STK39: variants seen among roughly 807,000 people sequenced by gnomAD.
The protein encoded by STK39 is serine/threonine kinase 39.
In STK39, 20 loss-of-function variants were observed where a neutral mutation model predicts 77.8. That is an observed-to-expected ratio of 0.26 (90% CI 0.18 to 0.37). The LOEUF (loss-of-function observed/expected upper bound fraction) is 0.37, where lower values mean the gene tolerates loss of function less well. Among genes scored for constraint, STK39 ranks in the 10% least tolerant of loss-of-function variants. STK39 has a pLI of 1.00. For missense variants in STK39, 479 were observed against 656.5 expected (o/e 0.73, Z 2.95); for synonymous variants, 246 against 234.1 (o/e 1.05, Z -0.47).
intron 16 of STK39, among the ~76,000 whole-genome samples, chr2:168,005,230 T>G (rs1684100385): frequency 6.6e-6 from 1 of 151,990 alleles, no homozygotes; most frequent in African/African-American, 2.4e-5. Context: ...GGTCTCAAAC[T>G]CCTGACATCA....
At chr2:168,054,021 C>A (rs145668613) in intron 14 of STK39, among the ~76,000 whole-genome samples, 1 of 152,286 alleles carries the variant, frequency 6.6e-6, no homozygotes, top group East Asian at 1.9e-4. Flanking sequence ...ACGATAAATG[C>A]CAGTTTCTAT....
chr2:168,073,870 G>A (rs1234142755), intron 12 of STK39, among the ~76,000 whole-genome samples: 7 of 152,010 alleles, frequency 4.6e-5, no homozygotes, highest in South Asian at 2.1e-4. Flanking sequence ...CACCCGACTC[G>A]GCCTCCAAAA....
chr2:168,050,159 T>C (rs1685357255), intron 14 of STK39, among the ~76,000 whole-genome samples: 1 of 152,242 alleles, frequency 6.6e-6, no homozygotes, highest in Admixed American at 6.5e-5. Context: ...AGGTGCTCCA[T>C]AATGATAATC....
At chr2:168,176,305 T>TA (rs1317196065) in intron 2 of STK39, among the ~76,000 whole-genome samples, 1 of 151,062 alleles carries the variant, frequency 6.6e-6, no homozygotes, top group Non-Finnish European at 1.5e-5. Flanking sequence ...CTCCCCCCCT[T>TA]AAACCTCAAT....
chr2:167,962,479 T>C (rs545297778), intron 17 of STK39, among the ~76,000 whole-genome samples: 62 of 152,296 alleles, frequency 4.1e-4, no homozygotes, highest in African/African-American at 1.4e-3. Context: ...ATAAGGTCCC[T>C]CCTGAGTTTG....
intron 1 of STK39, among the ~76,000 whole-genome samples, chr2:168,233,164 GA>G (rs1377934834): frequency 6.6e-6 from 1 of 152,110 alleles, no homozygotes; most frequent in African/African-American, 2.4e-5. Flanking sequence ...AAACTACACA[GA>G]AACACTTTTC....
chr2:167,999,555 G>C (rs1683939499), intron 16 of STK39, among the ~76,000 whole-genome samples: 1 of 151,986 alleles, frequency 6.6e-6, no homozygotes, highest in Non-Finnish European at 1.5e-5. Context: ...TCTGCCTCCT[G>C]GGTTCACGCC....
At position 168,157,619 on chromosome 2, in the gene STK39, G is replaced by A. The variant is rs138466057; in HGVS notation, c.628+4168C>T. On this transcript the variant is annotated intron_variant, in intron 5 of 17. Coordinates refer to ENST00000355999, the MANE Select transcript of STK39 (RefSeq NM_013233.3). Reference sequence around the variant, plus strand: ...GTGTCCTCACATGGTAGAAGGGCACGGCAGCTCTCTGGGGCCTCTTTATAA... The same window carrying A: ...GTGTCCTCACATGGTAGAAGGGCACAGCAGCTCTCTGGGGCCTCTTTATAA... Among the ~76,000 whole-genome samples, 17 of 152,212 alleles carry A rather than the reference G, an allele frequency of 1.1e-4. No homozygotes were observed. In the East Asian group the frequency reaches 2.3e-3, roughly 21 times the overall value.
At chr2:168,211,937 T>C (rs768774425) in intron 1 of STK39, among the ~76,000 whole-genome samples, 1 of 152,232 alleles carries the variant, frequency 6.6e-6, no homozygotes, top group Non-Finnish European at 1.5e-5. Context: ...AGGTGGTGGT[T>C]AACTGCCCCA....
rs1690973857 is a variant in STK39 at position 168,247,565 on chromosome 2, C to CGCCGCCGCCGCCGCCGCCGCCGCCGCCG, written c.-131_-130insCGGCGGCGGCGGCGGCGGCGGCGGCGGC. On this transcript the variant is annotated 5_prime_UTR_variant, in exon 1 of 18. Transcript: ENST00000355999. ...CCCGCCCGCCGCCGCCGCCGCCGTC[C>CGCCGCCGCCGCCGCCGCCGCCGCCGCCG]CCGCCGAAGCCAGCTAGGAGGGGAG... is the stretch of plus-strand genomic sequence containing the variant. The CGCCGCCGCCGCCGCCGCCGCCGCCGCCG allele has an allele frequency of 7.1e-6, 1 of 140,238 alleles. No homozygotes were observed. Among genetic ancestry groups the CGCCGCCGCCGCCGCCGCCGCCGCCGCCG allele is most frequent in the African/African-American group, 3.7e-5 (1 of 27,306 alleles). The allele number at this position is 140,238 out of a possible 1,614,324, so 8.7% of individuals were successfully genotyped here.
At position 168,054,499 on chromosome 2, in the gene STK39, G is replaced by A. The variant is rs1281260890; in HGVS notation, c.1376+9001C>T. Among the ~76,000 whole-genome samples the A allele has an allele frequency of 3.3e-5, 5 of 152,172 alleles. No homozygotes were observed. The East Asian group carries it at 9.6e-4, about 29-fold the overall frequency. On this transcript the variant is annotated intron_variant, in intron 14 of 17. Coordinates refer to ENST00000355999, the MANE Select transcript of STK39 (RefSeq NM_013233.3). ...CTTTTTGAAGGATACCACTAATAAA[G>A]CCAAGATATGCATCAGGGACTCAAA...
intron 14 of STK39, among the ~76,000 whole-genome samples, chr2:168,020,721 T>C (rs946918097): frequency 2.6e-5 from 4 of 151,950 alleles, no homozygotes; most frequent in East Asian, 1.9e-4. Context: ...ACCTTTGAGA[T>C]ATGCAAAGAG....
intron 16 of STK39, among the ~76,000 whole-genome samples, chr2:168,005,754 C>T (rs1194909063): frequency 6.6e-6 from 1 of 152,146 alleles, no homozygotes; most frequent in Non-Finnish European, 1.5e-5. Context: ...GAAAAGCTGT[C>T]CTCCAAACTG....
chr2:168,009,869 T>C (rs1684225859), intron 16 of STK39, among the ~76,000 whole-genome samples: 1 of 152,260 alleles, frequency 6.6e-6, no homozygotes, highest in Non-Finnish European at 1.5e-5. Flanking sequence ...TTATATATTG[T>C]ATTTAAAATA....
intron 10 of STK39, among the ~76,000 whole-genome samples, chr2:168,125,553 A>G (rs946457481): frequency 2.0e-5 from 3 of 152,154 alleles, no homozygotes; most frequent in African/African-American, 7.2e-5. Flanking sequence ...GGAACATCCA[A>G]TCTTATATTA....
chr2:168,027,114 G>C (rs1684717638), intron 14 of STK39, among the ~76,000 whole-genome samples: 1 of 152,170 alleles, frequency 6.6e-6, no homozygotes, highest in African/African-American at 2.4e-5. Context: ...TAAGGTAGGG[G>C]AAAGGAAACA....
At chr2:168,108,781 A>T (rs11692805) in intron 10 of STK39, among the ~76,000 whole-genome samples, 98,999 of 152,006 alleles carry the variant, frequency 0.65, 33,730 homozygotes, top group Non-Finnish European at 0.78. Flanking sequence ...CTCATTTCTA[A>T]CATATCATCA....
intron 10 of STK39, among the ~76,000 whole-genome samples, chr2:168,090,994 T>C (rs1219921982): frequency 6.6e-6 from 1 of 152,110 alleles, no homozygotes; most frequent in Admixed American, 6.5e-5. Flanking sequence ...TGAGATGACA[T>C]ATTAACATCC....
intron 16 of STK39, among the ~76,000 whole-genome samples, chr2:167,972,626 C>G (rs1453659434): frequency 6.6e-6 from 1 of 152,080 alleles, no homozygotes; most frequent in Non-Finnish European, 1.5e-5. Context: ...TTTCTGAACA[C>G]AGAAATATTG....
Sources: gnomAD v4.1 joint callset for allele counts (sites outside exome capture counted in the v4.1 genomes callset) on GRCh38, gnomAD v4.1.1 for gene constraint, MANE v1.5 for transcripts, NCBI Gene and HGNC (gene_info 2026-07-23, HGNC 2026-07-21) for gene names.